Variants in FBF1 observed in about 807,000 individuals in gnomAD.
FBF1 encodes fas-binding factor 1.
FBF1 carries 119 observed loss-of-function variants against 147.2 expected under a neutral mutation model. The observed-to-expected ratio is 0.81, with a 90% CI of 0.70 to 0.94. The LOEUF (loss-of-function observed/expected upper bound fraction) is 0.94. FBF1 is among the 40% of genes least tolerant of loss of function. The pLI is 0.00. For synonymous variants in FBF1, 601 were observed against 609.0 expected (o/e 0.99, Z 0.19); for missense variants, 1,449 against 1,500.8 (o/e 0.97, Z 0.57).
At chr17:75,920,778 ATCTGGTTC>A (rs2065520773) in intron 17 of FBF1, among the ~76,000 whole-genome samples, 1 of 151,188 alleles carries the variant, frequency 6.6e-6, no homozygotes, top group South Asian at 2.1e-4. Flanking sequence ...GTTGACACTA[ATCTGGTTC>A]CCACGAGCTG....
At chr17:75,929,945 A>ACCCCT in intron 7 of FBF1, 52 bp downstream of exon 7, 1 of 650,912 alleles carries the variant, frequency 1.5e-6, no homozygotes, top group Non-Finnish European at 2.8e-6. Context: ...AAATATCATG[A>ACCCCT]CCCCACCCCA....
intron 17 of FBF1, 122 bp from the exon 18 acceptor site, chr17:75,920,551 G>A: frequency 9.4e-7 from 1 of 1,065,366 alleles, no homozygotes; most frequent in Non-Finnish European, 1.3e-6. Context: ...CTGCAGATGG[G>A]GCCAAGGCCT....
chr17:75,928,268 C>T lies in FBF1; in HGVS notation c.280-75G>A, dbSNP rs531908276. 1.1e-5 allele frequency: 12 copies of T among 1,113,312 alleles called. No homozygotes were observed. The highest frequency in any genetic ancestry group is 9.4e-5 in the East Asian group (4 of 42,382). The allele number at this position is 1,113,312 out of a possible 1,614,324, so 69.0% of individuals were successfully genotyped here. ...AGGACTTCCACCTGAGAGAGATGGG[C>T]TGTTGGCACCCCAGGTGTAGAATTG... On this transcript the variant is annotated intron_variant, in intron 7 of 29. Transcript: ENST00000636174. The surrounding 1 kb of genome is among the most constrained non-coding windows in gnomAD (Gnocchi z 4.2).
chr17:75,915,705 C>T (rs534450077), intron 23 of FBF1, among the ~76,000 whole-genome samples: 3 of 152,166 alleles, frequency 2.0e-5, no homozygotes, highest in African/African-American at 7.2e-5. Flanking sequence ...TTTTTATTTT[C>T]TTCTTTAAAA....
intron 29 of FBF1, among the ~76,000 whole-genome samples, chr17:75,911,604 G>C (rs144708070): frequency 1.3e-5 from 2 of 152,172 alleles, no homozygotes; most frequent in Admixed American, 6.5e-5. Flanking sequence ...CTGCAGCCTC[G>C]ACCTCCCGGG....
At chr17:75,917,685 A>G (rs1358533623) in intron 23 of FBF1, 47 bp downstream of exon 23, 2 of 1,490,986 alleles carry the variant, frequency 1.3e-6, no homozygotes, top group East Asian at 2.5e-5. Context: ...CCTGGAGAAG[A>G]GGCCCCGTGG....
In FBF1 at chr17:75,923,791, C is replaced by T; in HGVS notation, c.969-150G>A. On this transcript the variant is annotated intron_variant, in intron 13 of 29. Transcript: ENST00000636174. The surrounding 1 kb of genome is among the most constrained non-coding windows in gnomAD (Gnocchi z 4.1). ...GTGGCTCCTGGACCGGCTCAGGTGG[C>T]AGGCCACGTGCTGTCTGTAGAACAC... The T allele has an allele frequency of 4.2e-6, 3 of 716,124 alleles. No individual in the cohort carries two copies. 44.4% of individuals were successfully genotyped at this position (716,124 alleles called of 1,614,324 possible). A position where few individuals can be genotyped will look rare whatever the true frequency, so the allele number is the denominator to read the frequency against.
At chr17:75,929,964 C>CCCCAGAAAAA in intron 7 of FBF1, 33 bp downstream of exon 7, 1 of 1,402,202 alleles carries the variant, frequency 7.1e-7, no homozygotes, top group Non-Finnish European at 9.9e-7. Flanking sequence ...CACCCACCCC[C>CCCCAGAAAAA]AGTTCTAAGA....
At position 75,923,934 on chromosome 17, in the gene FBF1, C is replaced by T. The variant is rs1341807733; in HGVS notation, c.969-293G>A. ...ACACAGGTCTAAAGAAAAATCAGGC[C>T]GAGCACGGTGGCTCATGTCTGTAAT... On this transcript the variant is annotated intron_variant, in intron 13 of 29. Transcript: ENST00000636174. This position sits in a 1 kb window ranked among gnomAD's most constrained non-coding sequence, Gnocchi z 4.1. Among the ~76,000 whole-genome samples, 1 of 152,054 alleles carries T rather than the reference C, an allele frequency of 6.6e-6. No individual in the cohort carries two copies. The highest frequency in any genetic ancestry group is 1.5e-5 in the Non-Finnish European group (1 of 68,012).
chr17:75,920,003 G>T lies in FBF1; in HGVS notation c.1931+4C>A. ...AGGCAGAGCTGGGGCCAGCGCCAGG[G>T]TACCTGTGTGCACTCTCGATGAGCT... On this transcript the variant is annotated splice_donor_region_variant and intron_variant, in intron 19 of 29. Coordinates refer to ENST00000636174, the MANE Select transcript of FBF1 (RefSeq NM_001319193.2). 1 of 1,608,398 alleles carries T rather than the reference G, an allele frequency of 6.2e-7. No homozygotes were observed. Among genetic ancestry groups the T allele is most frequent in the Non-Finnish European group, 8.5e-7 (1 of 1,177,384 alleles).
chr17:75,913,198 G>C (rs1041321827), intron 28 of FBF1, among the ~76,000 whole-genome samples: 2 of 147,290 alleles, frequency 1.4e-5, no homozygotes, highest in African/African-American at 5.0e-5. Flanking sequence ...CCCTAGGCTG[G>C]AGTGCAGTGG....
chr17:75,927,832 G>C (rs989822223), intron 8 of FBF1, among the ~76,000 whole-genome samples: 5 of 152,172 alleles, frequency 3.3e-5, no homozygotes, highest in Admixed American at 1.3e-4. Context: ...TCCAGGAGCT[G>C]CCCATGTTGG....
intron 5 of FBF1, 89 bp downstream of exon 5, chr17:75,932,906 C>T (rs906756430): frequency 3.8e-6 from 3 of 779,966 alleles, no homozygotes; most frequent in African/African-American, 1.8e-5. Flanking sequence ...AAATGGCGAG[C>T]AAATGTGAAG....
rs573288571 is a variant in FBF1 at position 75,921,383 on chromosome 17, C to T, written c.1616-81G>A. 3.3e-5 allele frequency: 51 copies of T among 1,550,784 alleles called. 1 individual carries two copies. In the African/African-American group the frequency reaches 6.7e-4, roughly 20 times the overall value. Reference sequence around the variant, plus strand: ...GTGTCCAGGAGGGGCTGGTGTAACTCATGTCCCAGGGACCCCAAAGGAAGC... The same window carrying T: ...GTGTCCAGGAGGGGCTGGTGTAACTTATGTCCCAGGGACCCCAAAGGAAGC... On this transcript the variant is annotated intron_variant, in intron 16 of 29. Transcript: ENST00000636174.
chr17:75,917,848 G>A lies in FBF1; in HGVS notation c.2389C>T (p.Leu797=), dbSNP rs1455566534. 1.2e-6 allele frequency: 2 copies of A among 1,602,690 alleles called. No homozygotes were observed. The highest frequency in any genetic ancestry group is 1.3e-5 in the African/African-American group (1 of 74,320). The change falls in exon 23 of 30, where the codon CTG becomes TTG. Residue 797 remains leucine (L), a splice_region_variant and synonymous_variant. Transcript: ENST00000636174. The part of the protein sequence containing the change: ...IRQRDEQLRA[L]QERLGQQQRD... Reference sequence around the variant, plus strand: ...TGCTGCTGGCCCAGCCGCTCCTGCAGTGCTGGGGGCAACCCACAGGGTGCT... The same window carrying A: ...TGCTGCTGGCCCAGCCGCTCCTGCAATGCTGGGGGCAACCCACAGGGTGCT...
chr17:75,913,869 G>A, intron 27 of FBF1, 44 bp downstream of exon 27: 1 of 1,558,894 alleles, frequency 6.4e-7, no homozygotes, highest in Non-Finnish European at 8.6e-7. Flanking sequence ...GTGGGAGGCT[G>A]GGGGTGCCGG....
rs557671240 is a variant in FBF1, at chr17:75,918,822, T to C, written c.2139-553A>G. Reference sequence around the variant, plus strand: ...CAGTCTTTCTTTTTTTTTTTTTTTTTCCTAGAGATGAGGTCTCACTATGTT... The same window carrying C: ...CAGTCTTTCTTTTTTTTTTTTTTTTCCCTAGAGATGAGGTCTCACTATGTT... On this transcript the variant is annotated intron_variant, in intron 20 of 29. Transcript: ENST00000636174. This position sits in a 1 kb window ranked among gnomAD's most constrained non-coding sequence, Gnocchi z 5.8. Among the ~76,000 whole-genome samples the C allele has an allele frequency of 1.3e-4, 19 of 148,492 alleles. No individual in the cohort carries two copies. In the South Asian group the frequency reaches 1.9e-3, roughly 15 times the overall value.
Position 75,920,354 on chromosome 17 carries a change from C to G in FBF1, c.1750G>C (p.Val584Leu), listed in dbSNP as rs761806169. The change falls in exon 18 of 30, where the codon GTG becomes CTG. Residue 584 changes from valine to leucine, a missense_variant. Physicochemically the swap from Val to Leu is conservative, Grantham distance 32. Coordinates refer to ENST00000636174, the MANE Select transcript of FBF1 (RefSeq NM_001319193.2). ...EYQKQLLAAQ[V>L]QLQCSPAELQ... ...TCAGCGGGGCTGCACTGAAGTTGCA[C>G]CTGTGCTGCCAGGAGCTGCTTCTGG... is the stretch of plus-strand genomic sequence containing the variant. 6.2e-7 allele frequency: 1 copy of G among 1,607,926 alleles called. No homozygotes were observed. Among genetic ancestry groups the G allele is most frequent in the Non-Finnish European group, 8.5e-7 (1 of 1,177,804 alleles).
chr17:75,928,237 G>C lies in FBF1; in HGVS notation c.280-44C>G, dbSNP rs369715793. Reference sequence around the variant, plus strand: ...AGGGCAGAGGACTATGTCTGATAAGGGGCTGAGGACTTCCACCTGAGAGAG... The same window carrying C: ...AGGGCAGAGGACTATGTCTGATAAGCGGCTGAGGACTTCCACCTGAGAGAG... On this transcript the variant is annotated intron_variant, in intron 7 of 29. Transcript: ENST00000636174. The surrounding 1 kb of genome is among the most constrained non-coding windows in gnomAD (Gnocchi z 4.2). 4.0e-4 allele frequency: 625 copies of C among 1,543,896 alleles called. No homozygotes were observed. Among genetic ancestry groups the C allele is most frequent in the Non-Finnish European group, 5.2e-4 (583 of 1,117,550 alleles).
Sources: allele counts gnomAD v4.1 joint callset (sites outside exome capture counted in the v4.1 genomes callset), GRCh38; gene constraint gnomAD v4.1.1; non-coding constraint Gnocchi (gnomAD v3.1); transcripts MANE v1.5; gene names NCBI Gene and HGNC (gene_info 2026-07-23, HGNC 2026-07-21).